PLCB4: variants seen among roughly 807,000 people sequenced by gnomAD.
The protein encoded by PLCB4 is phospholipase C beta 4.
Under a neutral mutation model 178.8 loss-of-function variants are expected in PLCB4, and 77 were observed. That is an observed-to-expected ratio of 0.43 (90% CI 0.36 to 0.52). PLCB4 has a LOEUF of 0.52. PLCB4 is among the 20% of genes least tolerant of loss of function. PLCB4 has a pLI of 0.00. For synonymous variants in PLCB4, 496 were observed against 490.8 expected (o/e 1.01, Z -0.14); for missense variants, 1,024 against 1,453.4 (o/e 0.70, Z 4.80).
intron 4 of PLCB4, among the ~76,000 whole-genome samples, chr20:9,311,572 C>A (rs781589424): frequency 6.6e-6 from 1 of 152,040 alleles, no homozygotes; most frequent in Non-Finnish European, 1.5e-5. Flanking sequence ...ACTCAGAGTC[C>A]TTTTTCACTT....
intron 2 of PLCB4, among the ~76,000 whole-genome samples, chr20:9,188,108 C>T (rs577506842): frequency 1.3e-3 from 202 of 152,260 alleles, no homozygotes; most frequent in Admixed American, 4.1e-3. Context: ...TCCCTGCTTT[C>T]GTGGAGCTTA....
chr20:9,398,839 T>C (rs2038808449), intron 19 of PLCB4, among the ~76,000 whole-genome samples: 1 of 152,076 alleles, frequency 6.6e-6, no homozygotes, highest in Non-Finnish European at 1.5e-5. Context: ...GACTGAAGCT[T>C]AGAGAGGTAA....
At chr20:9,183,590 T>C (rs1252407021) in intron 2 of PLCB4, among the ~76,000 whole-genome samples, 1 of 152,240 alleles carries the variant, frequency 6.6e-6, no homozygotes, top group Admixed American at 6.5e-5. Flanking sequence ...AATTTATCAT[T>C]ATTTTCAACT....
At chr20:9,472,730 G>T (rs2044271166) in intron 36 of PLCB4, 60 bp from the exon 37 acceptor site, 11 of 898,788 alleles carry the variant, frequency 1.2e-5, no homozygotes, top group Non-Finnish European at 1.9e-5. Context: ...TTTATTATTT[G>T]ATATAATATT....
intron 35 of PLCB4, among the ~76,000 whole-genome samples, chr20:9,460,028 C>CT (rs2043292561): frequency 6.6e-6 from 1 of 152,104 alleles, no homozygotes; most frequent in Non-Finnish European, 1.5e-5. Flanking sequence ...AATCCCAGTG[C>CT]TTTGAGAGGC....
chr20:9,314,511 G>A (rs1026262054), intron 4 of PLCB4, among the ~76,000 whole-genome samples: 1 of 152,164 alleles, frequency 6.6e-6, no homozygotes, highest in African/African-American at 2.4e-5. Flanking sequence ...GGACAGCTCT[G>A]ATGCAAGGTG....
Position 9,479,132 on chromosome 20 carries a change from G to A in PLCB4, c.*123G>A. On this transcript the variant is annotated 3_prime_UTR_variant, in exon 40 of 40. Coordinates refer to ENST00000378473, the MANE Select transcript of PLCB4 (RefSeq NM_001377142.1). ...ACAAGATGATATCTGAAACCAGAGA[G>A]ACTTGGAATGTCTGACTGACTTCTA... 1.4e-6 allele frequency: 1 copy of A among 701,932 alleles called. No homozygotes were observed. Among genetic ancestry groups the A allele is most frequent in the Non-Finnish European group, 2.5e-6 (1 of 398,706 alleles). The allele number at this position is 701,932 out of a possible 1,614,324, so 43.5% of individuals were successfully genotyped here. A position where few individuals can be genotyped will look rare whatever the true frequency, so the allele number is the denominator to read the frequency against.
intron 35 of PLCB4, among the ~76,000 whole-genome samples, chr20:9,463,521 C>T (rs1331157838): frequency 1.4e-5 from 2 of 143,574 alleles, no homozygotes; most frequent in African/African-American, 5.2e-5. Flanking sequence ...TCAGGAAACC[C>T]ATCTCACATG....
intron 3 of PLCB4, among the ~76,000 whole-genome samples, chr20:9,276,043 G>A (rs553168483): frequency 1.3e-5 from 2 of 152,154 alleles, no homozygotes; most frequent in East Asian, 3.9e-4. Context: ...GGAAGGTGAG[G>A]AGGAAAGGAA....
At chr20:9,270,999 A>G (rs1047387288) in intron 3 of PLCB4, among the ~76,000 whole-genome samples, 4 of 152,124 alleles carry the variant, frequency 2.6e-5, no homozygotes, top group Non-Finnish European at 5.9e-5. Flanking sequence ...TCATTGTAGA[A>G]ATTGGTTTAT....
chr20:9,091,478 G>A (rs1015496410), intron 1 of PLCB4, among the ~76,000 whole-genome samples: 1 of 151,936 alleles, frequency 6.6e-6, no homozygotes, highest in African/African-American at 2.4e-5. Flanking sequence ...ACAAAAGTGA[G>A]AAGCAGCATT....
At chr20:9,321,936 T>TC (rs1159396863) in intron 4 of PLCB4, among the ~76,000 whole-genome samples, 3 of 132,090 alleles carry the variant, frequency 2.3e-5, no homozygotes, top group Admixed American at 7.1e-5. Flanking sequence ...GCCTGGCCTT[T>TC]CTTTTTTTTC....
At chr20:9,143,755 T>C (rs2092541310) in intron 2 of PLCB4, among the ~76,000 whole-genome samples, 2 of 152,170 alleles carry the variant, frequency 1.3e-5, no homozygotes, top group African/African-American at 4.8e-5. Context: ...TTGCTGGGGC[T>C]GACTGTAACT....
At chr20:9,091,066 AG>A (rs1443077950) in intron 1 of PLCB4, among the ~76,000 whole-genome samples, 1 of 152,130 alleles carries the variant, frequency 6.6e-6, no homozygotes, top group Non-Finnish European at 1.5e-5. Flanking sequence ...CAGGGTCCCC[AG>A]GGTCTTGGTG....
intron 3 of PLCB4, among the ~76,000 whole-genome samples, chr20:9,255,071 C>T (rs915410478): frequency 6.6e-6 from 1 of 152,104 alleles, no homozygotes; most frequent in African/African-American, 2.4e-5. Context: ...TTTATACCTG[C>T]TCATATAGTG....
intron 1 of PLCB4, among the ~76,000 whole-genome samples, chr20:9,087,757 T>G (rs1313868946): frequency 6.6e-6 from 1 of 152,230 alleles, no homozygotes; most frequent in Admixed American, 6.5e-5. Context: ...TTCTTTCTCA[T>G]ACACACCCTG....
intron 2 of PLCB4, among the ~76,000 whole-genome samples, chr20:9,106,994 C>T (rs4514954): frequency 0.67 from 102,095 of 152,012 alleles, 34,740 homozygotes; most frequent in Middle Eastern, 0.79. Flanking sequence ...ATTCATTTTT[C>T]ATTATAGAAA....
chr20:9,165,161 C>T (rs1168280666), intron 2 of PLCB4, among the ~76,000 whole-genome samples: 1 of 152,084 alleles, frequency 6.6e-6, no homozygotes, highest in Non-Finnish European at 1.5e-5. Context: ...ATAGCAACTG[C>T]CAAGGTTCAA....
intron 15 of PLCB4, among the ~76,000 whole-genome samples, chr20:9,389,214 G>A (rs1262603158): frequency 6.6e-6 from 1 of 152,154 alleles, no homozygotes; most frequent in Non-Finnish European, 1.5e-5. Flanking sequence ...TCCTTCAAAT[G>A]TTGTTTTCTG....
Sources: gnomAD v4.1 joint callset for allele counts (sites outside exome capture counted in the v4.1 genomes callset) on GRCh38, gnomAD v4.1.1 for gene constraint, MANE v1.5 for transcripts, NCBI Gene and HGNC (gene_info 2026-07-23, HGNC 2026-07-21) for gene names.